LY96: variants seen among roughly 807,000 people sequenced by gnomAD.
LY96 encodes the protein myeloid differentiation protein-2.
LY96 carries 18 observed loss-of-function variants against 18.9 expected under a neutral mutation model. The ratio of observed to expected loss-of-function variants is 0.95; its 90% CI spans 0.66 to 1.41. LY96 has a LOEUF of 1.41. Ranked by LOEUF, LY96 falls within the 40% of genes most tolerant of loss-of-function variation. The pLI is 0.00. For missense variants in LY96, 175 were observed against 182.4 expected (o/e 0.96, Z 0.23); for synonymous variants, 66 against 62.6 (o/e 1.06, Z -0.26).
chr8:73,995,075 T>G (rs1460574822), intron 1 of LY96, among the ~76,000 whole-genome samples: 1 of 152,182 alleles, frequency 6.6e-6, no homozygotes, highest in Non-Finnish European at 1.5e-5. Context: ...TAAATTAATG[T>G]CATTATTGAG....
At chr8:74,026,167 C>T (rs1233128979) in intron 3 of LY96, among the ~76,000 whole-genome samples, 1 of 152,088 alleles carries the variant, frequency 6.6e-6, no homozygotes, top group East Asian at 1.9e-4. Context: ...TATTTTTGGC[C>T]ACTGTTTCTT....
the LY96 span, among the ~76,000 whole-genome samples, chr8:74,091,770 G>T: frequency 6.6e-6 from 1 of 152,252 alleles, no homozygotes; most frequent in African/African-American, 2.4e-5. Flanking sequence ...TGTCCAAGGG[G>T]CAAACGCTCT....
intron 1 of LY96, among the ~76,000 whole-genome samples, chr8:73,996,372 C>CCTTT (rs541600290): frequency 0.04 from 4,440 of 109,820 alleles, 204 homozygotes; most frequent in East Asian, 0.061. Context: ...TTCCTTCATT[C>CCTTT]CTTTCTTTCT....
chr8:74,054,672 C>CT, the LY96 span, among the ~76,000 whole-genome samples: 1 of 125,224 alleles, frequency 8.0e-6, no homozygotes, highest in Non-Finnish European at 1.7e-5. Flanking sequence ...TTCTTTCTTT[C>CT]TTTTTATTTG....
At position 74,004,856 on chromosome 8, in the gene LY96, A is replaced by G. The variant is rs765363839; in HGVS notation, c.173A>G (p.Lys58Arg). The stretch of plus-strand genomic sequence containing the variant: ...CCCTGTATAGAATTGAAAAGATCCA[A>G]AGGATTATTGCACATTTTCTACATT... ...VNPCIELKRSKGLLHIFYIPR... is the reference protein window; with the variant it reads ...VNPCIELKRSRGLLHIFYIPR... Residue 58 changes from lysine to arginine, a missense_variant, in exon 2 of 5, where the codon AAA becomes AGA. Physicochemically the swap from Lys to Arg is conservative, Grantham distance 26. Coordinates refer to ENST00000284818, the MANE Select transcript of LY96 (RefSeq NM_015364.5). The G allele has an allele frequency of 1.3e-6, 2 of 1,591,576 alleles. No homozygotes were observed. Among genetic ancestry groups the G allele is most frequent in the Non-Finnish European group, 1.7e-6 (2 of 1,162,078 alleles).
At position 73,998,103 on chromosome 8, in the gene LY96, C is replaced by T. The variant is rs114433963; in HGVS notation, c.112+6549C>T. 1.8e-3 allele frequency among the ~76,000 whole-genome samples: 279 copies of T among 152,224 alleles called. 3 individuals are homozygous for T. Among genetic ancestry groups the T allele is most frequent in the African/African-American group, 6.5e-3 (271 of 41,540 alleles). ...GGCTTGGTCTTTCTCATAACTGGCC[C>T]TTATCCAGGAACCCACCAAAAGTTA... On this transcript the variant is annotated intron_variant, in intron 1 of 4. Coordinates refer to ENST00000284818, the MANE Select transcript of LY96 (RefSeq NM_015364.5).
chr8:74,085,748 G>C, the LY96 span, among the ~76,000 whole-genome samples: 1 of 151,756 alleles, frequency 6.6e-6, no homozygotes, highest in African/African-American at 2.4e-5. Context: ...ACTTCATTGC[G>C]GTATAATTGA....
the LY96 span, among the ~76,000 whole-genome samples, chr8:74,069,074 T>C: frequency 4.7e-4 from 71 of 152,198 alleles, no homozygotes; most frequent in African/African-American, 1.5e-3. Flanking sequence ...GTGTGAGCCA[T>C]TGCGCCTGGC....
the LY96 span, among the ~76,000 whole-genome samples, chr8:74,099,257 C>T: frequency 7.2e-5 from 11 of 152,218 alleles, no homozygotes; most frequent in Admixed American, 5.9e-4. Flanking sequence ...AAACGGTCCT[C>T]AGCCATGATG....
At chr8:74,016,722 A>G (rs1315996530) in intron 3 of LY96, among the ~76,000 whole-genome samples, 2 of 152,194 alleles carry the variant, frequency 1.3e-5, no homozygotes, top group Non-Finnish European at 2.9e-5. Flanking sequence ...TGCAATATTT[A>G]CTGGTCTGCA....
the LY96 span, among the ~76,000 whole-genome samples, chr8:74,035,064 A>T: frequency 6.6e-6 from 1 of 152,128 alleles, no homozygotes; most frequent in Non-Finnish European, 1.5e-5. Context: ...ATATTTAAAA[A>T]CTTTTTGTTT....
rs991857071 is a variant in LY96, at chr8:73,999,613, T to A, written c.113-5183T>A. Among the ~76,000 whole-genome samples the A allele has an allele frequency of 6.6e-5, 10 of 152,350 alleles. 1 individual carries two copies. The East Asian group carries it at 1.9e-3, about 29-fold the overall frequency. On this transcript the variant is annotated intron_variant, in intron 1 of 4. Coordinates refer to ENST00000284818, the MANE Select transcript of LY96 (RefSeq NM_015364.5). ...ATTACTGATTTTTGTAGGTTCATTT[T>A]ATATCCTGCAATTTTGCAGAATTCA...
At chr8:73,992,589 A>T (rs1202676108) in intron 1 of LY96, among the ~76,000 whole-genome samples, 1 of 152,212 alleles carries the variant, frequency 6.6e-6, no homozygotes, top group East Asian at 1.9e-4. Flanking sequence ...AAATGCTAAT[A>T]TAAAGTGACT....
At chr8:74,076,236 G>GGGGCCCC in the LY96 span, among the ~76,000 whole-genome samples, 1 of 151,360 alleles carries the variant, frequency 6.6e-6, no homozygotes, top group African/African-American at 2.4e-5. Context: ...GCCCCTCCAT[G>GGGGCCCC]TCTACCCCAG....
intron 3 of LY96, among the ~76,000 whole-genome samples, chr8:74,014,171 G>A (rs964129988): frequency 1.3e-5 from 2 of 151,770 alleles, no homozygotes; most frequent in Non-Finnish European, 2.9e-5. Context: ...TGGGCTGGGT[G>A]CCTGTAATCC....
the LY96 span, among the ~76,000 whole-genome samples, chr8:74,053,726 T>C: frequency 1.3e-5 from 2 of 152,256 alleles, no homozygotes; most frequent in African/African-American, 4.8e-5. Context: ...TTTGAATGTG[T>C]CTGCCAAATT....
chr8:74,049,933 G>T, the LY96 span, among the ~76,000 whole-genome samples: 2 of 152,246 alleles, frequency 1.3e-5, no homozygotes, highest in East Asian at 3.9e-4. Context: ...CAGGAGGGTG[G>T]CTTGAGCCCA....
At chr8:74,096,576 C>T in the LY96 span, among the ~76,000 whole-genome samples, 2 of 152,182 alleles carry the variant, frequency 1.3e-5, no homozygotes, top group African/African-American at 2.4e-5. Flanking sequence ...TGCTGACTCT[C>T]CTGCTCTATT....
At chr8:74,045,764 C>T in the LY96 span, among the ~76,000 whole-genome samples, 2 of 152,040 alleles carry the variant, frequency 1.3e-5, no homozygotes, top group African/African-American at 2.4e-5. Flanking sequence ...AAGCGAAGAC[C>T]GCCCCCCTAC....
Sources: allele counts gnomAD v4.1 joint callset (sites outside exome capture counted in the v4.1 genomes callset), GRCh38; gene constraint gnomAD v4.1.1; transcripts MANE v1.5; gene names NCBI Gene and HGNC (gene_info 2026-07-23, HGNC 2026-07-21).